The following RASGRF2 variants were observed in gnomAD, a reference collection of about 807,000 sequenced individuals.
RASGRF2 encodes the protein Ras protein specific guanine nucleotide releasing factor 2.
RASGRF2 carries 76 observed loss-of-function variants against 151.0 expected under a neutral mutation model. That is an observed-to-expected ratio of 0.50 (90% confidence interval 0.42 to 0.61). The LOEUF (loss-of-function observed/expected upper bound fraction) is 0.61. RASGRF2 is among the 20% of genes least tolerant of loss of function. The probability of loss-of-function intolerance (pLI) is 0.00; values close to 1 mark genes in which losing one functional copy is unlikely to be tolerated. For missense variants in RASGRF2, 1,148 were observed against 1,564.6 expected, an observed-to-expected ratio of 0.73 and a Z score of 4.49; for synonymous variants, 504 against 566.5, an observed-to-expected ratio of 0.89 and a Z score of 1.57.
At chr5:81,037,223 G>T (rs1397875338) in intron 1 of RASGRF2, among the ~76,000 whole-genome samples, 1 of 152,160 alleles carries the variant, frequency 6.6e-6, no homozygotes, top group African/African-American at 2.4e-5. Context: ...TTCAAGATGA[G>T]ATTTGGGTGG....
At chr5:80,994,588 A>G (rs1473470354) in intron 1 of RASGRF2, among the ~76,000 whole-genome samples, 4 of 151,940 alleles carry the variant, frequency 2.6e-5, no homozygotes, top group African/African-American at 9.7e-5. Context: ...AAAGATCCCC[A>G]TTTTCTGATC....
intron 24 of RASGRF2, among the ~76,000 whole-genome samples, chr5:81,216,580 A>G (rs1489569808): frequency 2.0e-5 from 3 of 152,244 alleles, no homozygotes; most frequent in Admixed American, 6.5e-5. Flanking sequence ...TTACCAAAGT[A>G]TTTACTAAAT....
At chr5:81,098,316 C>T (rs1051356635) in intron 12 of RASGRF2, among the ~76,000 whole-genome samples, 6 of 152,092 alleles carry the variant, frequency 3.9e-5, no homozygotes, top group Non-Finnish European at 8.8e-5. Context: ...GTCTGCTAGA[C>T]ATTTGAGTGG....
In RASGRF2 at chr5:81,222,659, A is replaced by T. The variant is rs959260560; in HGVS notation, c.3621+2881A>T. ...AGCTGGACCTACTGTGTTTATTGTC[A>T]TAGCCCCAGCATCTTGCACAGTGCC... On this transcript the variant is annotated intron_variant, in intron 26 of 26. Transcript: ENST00000265080. 4.6e-5 allele frequency among the ~76,000 whole-genome samples: 7 copies of T among 152,330 alleles called. No individual in the cohort carries two copies. In the East Asian group the frequency reaches 1.3e-3, roughly 29 times the overall value.
chr5:81,087,215 C>G (rs560336343), intron 9 of RASGRF2: 3 of 703,110 alleles, frequency 4.3e-6, no homozygotes, highest in Admixed American at 4.0e-5. Context: ...CTCAGCGGCC[C>G]GGACATTCTC....
chr5:80,961,058 G>A, intron 1 of RASGRF2, 32 bp downstream of exon 1: 1 of 1,417,886 alleles, frequency 7.1e-7, no homozygotes, highest in Non-Finnish European at 9.2e-7. Flanking sequence ...CGGTCTCCCA[G>A]CCTTGATCGC....
chr5:81,215,313 C>T (rs1405958021), intron 23 of RASGRF2, among the ~76,000 whole-genome samples: 2 of 149,254 alleles, frequency 1.3e-5, no homozygotes, highest in Non-Finnish European at 3.0e-5. Flanking sequence ...CTCTGTTGCC[C>T]AGGCTGGCAT....
intron 1 of RASGRF2, among the ~76,000 whole-genome samples, chr5:80,973,066 C>A (rs1436401309): frequency 6.6e-6 from 1 of 152,110 alleles, no homozygotes; most frequent in Non-Finnish European, 1.5e-5. Flanking sequence ...TATAAGTTAT[C>A]TCTTTTTCTT....
intron 15 of RASGRF2, among the ~76,000 whole-genome samples, chr5:81,117,101 T>G (rs190280721): frequency 2.0e-5 from 3 of 152,340 alleles, no homozygotes; most frequent in Non-Finnish European, 2.9e-5. Flanking sequence ...CTAGTTTTAG[T>G]CTTCAAGGTG....
intron 24 of RASGRF2, 63 bp downstream of exon 24, chr5:81,216,018 G>T: frequency 7.5e-7 from 1 of 1,338,710 alleles, no homozygotes; most frequent in Non-Finnish European, 9.7e-7. Context: ...AATGTATATA[G>T]TATACAAACA....
At chr5:81,024,470 G>T (rs1749946090) in intron 1 of RASGRF2, among the ~76,000 whole-genome samples, 1 of 151,770 alleles carries the variant, frequency 6.6e-6, no homozygotes, top group Non-Finnish European at 1.5e-5. Flanking sequence ...ATGTTGGCCA[G>T]GCTGGTCTTG....
At chr5:81,126,966 C>T in intron 16 of RASGRF2, 108 bp from the exon 17 acceptor site, 1 of 1,155,880 alleles carries the variant, frequency 8.7e-7, no homozygotes. Flanking sequence ...TAATACAGGG[C>T]ATTTGGCCCA....
chr5:81,082,456 C>G (rs1026560592), intron 7 of RASGRF2, among the ~76,000 whole-genome samples: 4 of 152,156 alleles, frequency 2.6e-5, no homozygotes, highest in Admixed American at 2.0e-4. Context: ...GACTGGGAAT[C>G]TTTAGGAGAC....
At chr5:81,080,897 G>T in intron 7 of RASGRF2, 108 bp downstream of exon 7, 1 of 988,480 alleles carries the variant, frequency 1.0e-6, no homozygotes, top group Non-Finnish European at 1.5e-6. Context: ...AGGAATTATG[G>T]CACAGATGTA....
chr5:81,015,452 A>G (rs1749599924), intron 1 of RASGRF2, among the ~76,000 whole-genome samples: 1 of 151,990 alleles, frequency 6.6e-6, no homozygotes, highest in Non-Finnish European at 1.5e-5. Flanking sequence ...TCAAAGAGCT[A>G]TTTATAAAAA....
At position 80,982,580 on chromosome 5, in the gene RASGRF2, CTATTATTATTATTAT is replaced by C. The variant is rs10634471; in HGVS notation, c.288+21577_288+21591del. 2.6e-4 allele frequency among the ~76,000 whole-genome samples: 35 copies of C among 135,170 alleles called. No individual in the cohort carries two copies. In the South Asian group the frequency reaches 4.1e-3, roughly 16 times the overall value. The allele number at this position is 135,170 out of a possible 152,430, so 88.7% of individuals were successfully genotyped here. A position where few individuals can be genotyped will look rare whatever the true frequency, so the allele number is the denominator to read the frequency against. ...CTGGAAGTGGGATAGAAATTTGGTTCTATTATTATTATTATTATTATTATTATTATTATTATTTGA... is the reference window on the plus strand; with the variant it reads ...CTGGAAGTGGGATAGAAATTTGGTTCTATTATTATTATTATTATTATTTGA... On this transcript the variant is annotated intron_variant, in intron 1 of 26. Coordinates refer to ENST00000265080, the MANE Select transcript of RASGRF2 (RefSeq NM_006909.3).
chr5:81,017,999 C>T (rs1342707942), intron 1 of RASGRF2, among the ~76,000 whole-genome samples: 2 of 152,192 alleles, frequency 1.3e-5, no homozygotes, highest in Non-Finnish European at 1.5e-5. Context: ...ATCCCAGCTA[C>T]TTGCGAGGCT....
intron 12 of RASGRF2, among the ~76,000 whole-genome samples, chr5:81,095,242 C>T (rs1022624878): frequency 3.5e-4 from 54 of 152,152 alleles, no homozygotes; most frequent in African/African-American, 1.1e-3. Flanking sequence ...TTTACACCAG[C>T]AGCAAATGTA....
At chr5:81,071,078 C>T (rs1326201274) in intron 4 of RASGRF2, among the ~76,000 whole-genome samples, 1 of 152,122 alleles carries the variant, frequency 6.6e-6, no homozygotes. Flanking sequence ...TTTATAATTG[C>T]ACAACTTTTG....
Sources: allele counts gnomAD v4.1 joint callset (sites outside exome capture counted in the v4.1 genomes callset), GRCh38; gene constraint gnomAD v4.1.1; transcripts MANE v1.5; gene names NCBI Gene and HGNC (gene_info 2026-07-23, HGNC 2026-07-21).